Variants in AKAIN1 observed in about 807,000 individuals in gnomAD.
AKAIN1 encodes A-kinase anchor inhibitor 1, also known as A-kinase anchor protein inhibitor 1.
In AKAIN1, 3 loss-of-function variants were observed where a neutral mutation model predicts 3.7. That is an observed-to-expected ratio of 0.82 (90% CI 0.37 to 2.12). AKAIN1 has a LOEUF of 2.12. Ranked by LOEUF, AKAIN1 falls within the 30% of genes most tolerant of loss-of-function variation. AKAIN1 has a pLI of 0.06. For synonymous variants in AKAIN1, 31 were observed against 30.8 expected (o/e 1.01, Z -0.02); for missense variants, 82 against 82.7 (o/e 0.99, Z 0.03).
At chr18:5,169,125 T>A (rs2071183469) in intron 1 of AKAIN1, among the ~76,000 whole-genome samples, 1 of 152,028 alleles carries the variant, frequency 6.6e-6, no homozygotes. Flanking sequence ...GGGAAGCATG[T>A]TGGGAAATCA....
chr18:5,150,528 A>C (rs1388783475), intron 1 of AKAIN1, among the ~76,000 whole-genome samples: 3 of 152,194 alleles, frequency 2.0e-5, no homozygotes, highest in East Asian at 3.8e-4. Flanking sequence ...ATAAACCAAA[A>C]TCGAGAACGT....
chr18:5,194,074 T>A (rs1215352856), intron 1 of AKAIN1, among the ~76,000 whole-genome samples: 1 of 152,312 alleles, frequency 6.6e-6, no homozygotes, highest in East Asian at 1.9e-4. Context: ...CCTAGCTTAG[T>A]TTAACTTCTA....
At chr18:5,177,664 T>A (rs1206093139) in intron 1 of AKAIN1, among the ~76,000 whole-genome samples, 1 of 152,190 alleles carries the variant, frequency 6.6e-6, no homozygotes, top group Non-Finnish European at 1.5e-5. Context: ...ATAAATACTC[T>A]ATAAATAATA....
upstream of AKAIN1, chr18:5,197,572 G>T: frequency 1.0e-6 from 1 of 984,460 alleles, no homozygotes; most frequent in Non-Finnish European, 1.3e-6. This position sits in a 1 kb window ranked among gnomAD's most constrained non-coding sequence, Gnocchi z 6.9. Flanking sequence ...AGTTGGGCTG[G>T]CTCGAATAGA....
intron 1 of AKAIN1, among the ~76,000 whole-genome samples, chr18:5,155,359 G>T (rs931411820): frequency 2.6e-5 from 4 of 152,150 alleles, no homozygotes; most frequent in South Asian, 2.1e-4. Context: ...CCCGGGAGAG[G>T]TATGAATCTC....
chr18:5,184,898 G>A (rs1688051826), intron 1 of AKAIN1, among the ~76,000 whole-genome samples: 1 of 152,030 alleles, frequency 6.6e-6, no homozygotes, highest in Non-Finnish European at 1.5e-5. Context: ...GTAATCCTCA[G>A]CAAAAAGAAC....
At position 5,144,073 on chromosome 18, in the gene AKAIN1, T is replaced by C. The variant is rs895769683; in HGVS notation, c.*1489A>G. Among the ~76,000 whole-genome samples the C allele has an allele frequency of 2.0e-5, 3 of 152,204 alleles. No individual in the cohort carries two copies. Among genetic ancestry groups the C allele is most frequent in the Non-Finnish European group, 4.4e-5 (3 of 68,038 alleles). On this transcript the variant is annotated 3_prime_UTR_variant, in exon 2 of 2. Coordinates refer to ENST00000434239, the MANE Select transcript of AKAIN1 (RefSeq NM_001145194.2). ...AGAAATACTTGTGAGTAAACAATCT[T>C]TAAATTTTAAGCCCTTCTGCTTCCT...
chr18:5,172,857 GTTA>G (rs558921778), intron 1 of AKAIN1, among the ~76,000 whole-genome samples: 2 of 152,164 alleles, frequency 1.3e-5, no homozygotes, highest in South Asian at 4.1e-4. Context: ...GAAGAAAAGA[GTTA>G]TTATGGAAGA....
At chr18:5,164,793 C>T (rs188875121) in intron 1 of AKAIN1, among the ~76,000 whole-genome samples, 217 of 152,128 alleles carry the variant, frequency 1.4e-3, no homozygotes, top group African/African-American at 5.0e-3. Flanking sequence ...CAGCTCATAA[C>T]ATTTATATCA....
chr18:5,196,400 G>A (rs1159565521), intron 1 of AKAIN1, among the ~76,000 whole-genome samples: 1 of 152,252 alleles, frequency 6.6e-6, no homozygotes, highest in African/African-American at 2.4e-5. Context: ...AGTAGCCACG[G>A]AGAGCAGCAA....
intron 1 of AKAIN1, among the ~76,000 whole-genome samples, chr18:5,164,935 T>C (rs930430140): frequency 6.6e-6 from 1 of 152,042 alleles, no homozygotes; most frequent in African/African-American, 2.4e-5. Flanking sequence ...CTAATATGTA[T>C]TCAATTATAT....
At chr18:5,181,382 T>C (rs1233956511) in intron 1 of AKAIN1, among the ~76,000 whole-genome samples, 1 of 152,154 alleles carries the variant, frequency 6.6e-6, no homozygotes, top group Admixed American at 6.6e-5. Flanking sequence ...CCATCAGCTG[T>C]GACTATTTGG....
intron 1 of AKAIN1, among the ~76,000 whole-genome samples, chr18:5,193,069 G>A (rs573089881): frequency 6.6e-6 from 1 of 152,254 alleles, no homozygotes; most frequent in East Asian, 1.9e-4. Flanking sequence ...ATTTATCAAT[G>A]TGTCAGGAAT....
chr18:5,179,415 GTA>G (rs1352995115), intron 1 of AKAIN1, among the ~76,000 whole-genome samples: 1 of 115,798 alleles, frequency 8.6e-6, no homozygotes, highest in Non-Finnish European at 1.9e-5. Flanking sequence ...ATGTATGTAT[GTA>G]TGTGTGTATA....
rs114260575 is a variant in AKAIN1, at chr18:5,149,491, A to T, written c.17-3736T>A. Among the ~76,000 whole-genome samples, 1,506 of 152,282 alleles carry T rather than the reference A, an allele frequency of 9.9e-3. 25 individuals carry two copies. The highest frequency in any genetic ancestry group is 0.035 in the African/African-American group (1,451 of 41,542). ...TACAACTCAGATATTGGAAAAATCC[A>T]GTATACTCCAGTTATTGTACCACCT... On this transcript the variant is annotated intron_variant, in intron 1 of 1. Coordinates refer to ENST00000434239, the MANE Select transcript of AKAIN1 (RefSeq NM_001145194.2).
chr18:5,181,938 C>A (rs766776628), intron 1 of AKAIN1, among the ~76,000 whole-genome samples: 5 of 152,058 alleles, frequency 3.3e-5, no homozygotes, highest in Non-Finnish European at 5.9e-5. Context: ...ATGCACTATA[C>A]CCTCACCAGA....
chr18:5,189,594 C>T (rs1264461536), intron 1 of AKAIN1, among the ~76,000 whole-genome samples: 1 of 152,152 alleles, frequency 6.6e-6, no homozygotes, highest in Admixed American at 6.5e-5. Flanking sequence ...CAGTCCATGT[C>T]CTTGCTACTT....
rs146990615 is a variant in AKAIN1, at chr18:5,160,806, C to T, written c.17-15051G>A. Among the ~76,000 whole-genome samples, 181 of 152,142 alleles carry T rather than the reference C, an allele frequency of 1.2e-3. 1 individual carries two copies. The East Asian group carries it at 0.03, about 26-fold the overall frequency. ...ATTGCCACAGAATTGTGTTTTGAGA[C>T]GTTTGGCCTTTCCCTACTGACTTGC... On this transcript the variant is annotated intron_variant, in intron 1 of 1. Transcript: ENST00000434239.
intron 1 of AKAIN1, among the ~76,000 whole-genome samples, chr18:5,168,519 C>T (rs77195174): frequency 0.01 from 1,563 of 152,194 alleles, 9 homozygotes; most frequent in Non-Finnish European, 0.016. Context: ...ATGCCCATTC[C>T]TCCTCAGTAC....
Sources: allele counts gnomAD v4.1 joint callset (sites outside exome capture counted in the v4.1 genomes callset), GRCh38; gene constraint gnomAD v4.1.1; non-coding constraint Gnocchi (gnomAD v3.1); transcripts MANE v1.5; gene names NCBI Gene and HGNC (gene_info 2026-07-23, HGNC 2026-07-21).